Variants in PTDSS2 observed in about 807,000 individuals in gnomAD.
PTDSS2 encodes the protein PSS-2.
Under a neutral mutation model 64.7 loss-of-function variants are expected in PTDSS2, and 41 were observed. That is an observed-to-expected ratio of 0.63 (90% CI 0.49 to 0.82). The LOEUF is 0.82. Among genes scored for constraint, PTDSS2 ranks in the 40% least tolerant of loss-of-function variants. PTDSS2 has a pLI of 0.00. For synonymous variants in PTDSS2, 297 were observed against 277.8 expected (o/e 1.07, Z -0.69); for missense variants, 485 against 650.0 (o/e 0.75, Z 2.76).
Position 460,458 on chromosome 11 carries a change from C to A in PTDSS2, c.284+170C>A, listed in dbSNP as rs898537260. The A allele has an allele frequency of 3.4e-6, 2 of 591,636 alleles. No individual in the cohort carries two copies. The highest frequency in any genetic ancestry group is 3.7e-5 in the African/African-American group (2 of 53,680). 36.6% of individuals were successfully genotyped at this position (591,636 alleles called of 1,614,324 possible). A position where few individuals can be genotyped will look rare whatever the true frequency, so the allele number is the denominator to read the frequency against. On this transcript the variant is annotated intron_variant, in intron 2 of 11. Coordinates refer to ENST00000308020, the MANE Select transcript of PTDSS2 (RefSeq NM_030783.3). This position sits in a 1 kb window ranked among gnomAD's most constrained non-coding sequence, Gnocchi z 5.8. ...TCTGATGTGCAGACTCCAGGGCTGCCCTTGGTGCTGCGTGGCGTTCCCGGT... is the reference window on the plus strand; with the variant it reads ...TCTGATGTGCAGACTCCAGGGCTGCACTTGGTGCTGCGTGGCGTTCCCGGT...
intron 1 of PTDSS2, chr11:459,839 G>T: frequency 3.7e-6 from 1 of 267,828 alleles, no homozygotes; most frequent in African/African-American, 2.2e-5. Flanking sequence ...CTTGTCTTGC[G>T]CAGTGAAAAG....
At chr11:485,685 G>C (rs1476499379) in intron 4 of PTDSS2, among the ~76,000 whole-genome samples, 2 of 148,118 alleles carry the variant, frequency 1.4e-5, no homozygotes, top group East Asian at 4.1e-4. Context: ...CAGCGCACGG[G>C]CGCGTGTGTG....
chr11:457,901 C>G (rs1846672886), intron 1 of PTDSS2, among the ~76,000 whole-genome samples: 1 of 152,204 alleles, frequency 6.6e-6, no homozygotes, highest in Non-Finnish European at 1.5e-5. Context: ...GCTCCGAGAC[C>G]TCACCAGCAC....
intron 1 of PTDSS2, among the ~76,000 whole-genome samples, chr11:454,467 T>C (rs1313646811): frequency 6.6e-6 from 1 of 151,856 alleles, no homozygotes; most frequent in Non-Finnish European, 1.5e-5. Flanking sequence ...AAGGAGTGAG[T>C]GTTGGGTTGG....
intron 1 of PTDSS2, chr11:459,329 CGTG>C (rs1846756282): frequency 6.8e-6 from 1 of 146,936 alleles, no homozygotes. Flanking sequence ...CTGGGTTAGA[CGTG>C]AGGACACACT....
rs1028545855 is a variant in PTDSS2, at chr11:488,742, G to A, written c.854+95G>A. On this transcript the variant is annotated intron_variant, in intron 8 of 11. Coordinates refer to ENST00000308020, the MANE Select transcript of PTDSS2 (RefSeq NM_030783.3). ...CCAGCAGACCCCGAGCACCAGGCCC[G>A]TCCAGTGTGCGGCTCAGGAGGGGTG... The A allele has an allele frequency of 4.0e-5, 36 of 901,366 alleles. No individual in the cohort carries two copies. In the East Asian group the frequency reaches 4.9e-4, roughly 12 times the overall value. The allele number at this position is 901,366 out of a possible 1,614,324, so 55.8% of individuals were successfully genotyped here.
chr11:488,122 G>T, intron 6 of PTDSS2, 77 bp from the exon 7 acceptor site: 1 of 1,089,972 alleles, frequency 9.2e-7, no homozygotes, highest in South Asian at 1.3e-5. Context: ...GCCAGCCGGG[G>T]TGGGGGCTGC....
At chr11:484,469 C>T (rs35898083) in intron 4 of PTDSS2, among the ~76,000 whole-genome samples, 14,965 of 152,310 alleles carry the variant, frequency 0.098, 1,021 homozygotes, top group Admixed American at 0.19. Context: ...TGTGCACTCA[C>T]TGTGTGTGCA....
rs1184602624 is a variant in PTDSS2 at position 470,685 on chromosome 11, G to A, written c.285-3210G>A. Among the ~76,000 whole-genome samples, 1 of 151,778 alleles carries A rather than the reference G, an allele frequency of 6.6e-6. No individual in the cohort carries two copies. Among genetic ancestry groups the A allele is most frequent in the African/African-American group, 2.4e-5 (1 of 41,292 alleles). On this transcript the variant is annotated intron_variant, in intron 2 of 11. Transcript: ENST00000308020. This position sits in a 1 kb window ranked among gnomAD's most constrained non-coding sequence, Gnocchi z 5.3. ...GCTCACTGCAACCTCCGCCTCTCGGGTTCAAGTGATTCTCCTGCCTCAGCC... is the reference window on the plus strand; with the variant it reads ...GCTCACTGCAACCTCCGCCTCTCGGATTCAAGTGATTCTCCTGCCTCAGCC...
rs1847971107 is a variant in PTDSS2 at position 479,429 on chromosome 11, C to G, written c.435+277C>G. The G allele has an allele frequency of 3.7e-6, 2 of 537,778 alleles. No individual in the cohort carries two copies. The highest frequency in any genetic ancestry group is 6.5e-5 in the East Asian group (2 of 30,758). The allele number at this position is 537,778 out of a possible 1,614,324, so 33.3% of individuals were successfully genotyped here. ...TGGGGCGCTGACTGTGGCCATTTAGCAGGGCCACACTTAAGGAGGGCAGGG... is the reference window on the plus strand; with the variant it reads ...TGGGGCGCTGACTGTGGCCATTTAGGAGGGCCACACTTAAGGAGGGCAGGG... On this transcript the variant is annotated intron_variant, in intron 4 of 11. Coordinates refer to ENST00000308020, the MANE Select transcript of PTDSS2 (RefSeq NM_030783.3). The surrounding 1 kb of genome is among the most constrained non-coding windows in gnomAD (Gnocchi z 4.2).
In PTDSS2 at chr11:490,033, G is replaced by C; in HGVS notation, c.1266G>C (p.Leu422=). The C allele has an allele frequency of 6.2e-7, 1 of 1,610,944 alleles. No homozygotes were observed. Among genetic ancestry groups the C allele is most frequent in the Non-Finnish European group, 8.5e-7 (1 of 1,179,958 alleles). The change falls in exon 11 of 12, where the codon CTG becomes CTC. Residue 422 remains leucine (L), a synonymous_variant. Transcript: ENST00000308020. ...AGTGCTGGACCCTCGGCTCCGTCCT[G>C]GCGCTCACCTGGACCGTCTGGCGCT... ...ISQCWTLGSV[L]ALTWTVWRFF... is the part of the protein sequence containing the mutation.
intron 1 of PTDSS2, among the ~76,000 whole-genome samples, chr11:454,624 G>A (rs1035744012): frequency 7.2e-5 from 11 of 152,072 alleles, no homozygotes; most frequent in Non-Finnish European, 1.6e-4. Context: ...GGCCAATATG[G>A]TGAAACCCGG....
intron 8 of PTDSS2, 81 bp downstream of exon 8, chr11:488,728 C>T (rs987827129): frequency 7.8e-6 from 8 of 1,023,730 alleles, no homozygotes; most frequent in African/African-American, 3.1e-5. Flanking sequence ...CAGCAGACCC[C>T]GAGCACCAGG....
chr11:467,831 T>C (rs1278383434), intron 2 of PTDSS2, among the ~76,000 whole-genome samples: 4 of 152,082 alleles, frequency 2.6e-5, no homozygotes, highest in African/African-American at 7.2e-5. Context: ...TGAAAACTTA[T>C]GTCCACATAA....
In PTDSS2 at chr11:488,547, G is replaced by A. The variant is rs374582300; in HGVS notation, c.754G>A (p.Val252Ile). 1.4e-5 allele frequency: 22 copies of A among 1,613,310 alleles called. No homozygotes were observed. Among genetic ancestry groups the A allele is most frequent in the Admixed American group, 1.7e-5 (1 of 60,010 alleles). Residue 252 changes from valine (V) to isoleucine (I), a missense_variant, in exon 8 of 12, where the codon GTC (valine) becomes ATC (isoleucine). Val to Ile is a conservative substitution (Grantham distance 29). Transcript: ENST00000308020. ...WWDHWIMDVLVCNGLGIYCGM... is the reference protein window; with the variant it reads ...WWDHWIMDVLICNGLGIYCGM... ...CCTGCAGTGGATCATGGACGTGCTC[G>A]TCTGCAACGGGCTGGGCATCTACTG...
upstream of PTDSS2, among the ~76,000 whole-genome samples, chr11:448,999 T>A (rs1056319806): frequency 2.0e-5 from 3 of 152,098 alleles, no homozygotes; most frequent in African/African-American, 7.2e-5. Context: ...AGATTTGCAT[T>A]TCCTGGACAT....
intron 10 of PTDSS2, 62 bp downstream of exon 10, chr11:489,795 A>G: frequency 6.4e-7 from 1 of 1,570,170 alleles, no homozygotes; most frequent in Non-Finnish European, 8.6e-7. Context: ...AGGGCTGGGG[A>G]GCAGAGCCTG....
intron 4 of PTDSS2, among the ~76,000 whole-genome samples, chr11:486,036 G>A (rs557420576): frequency 3.3e-5 from 5 of 151,714 alleles, no homozygotes; most frequent in Non-Finnish European, 7.4e-5. Context: ...GTGCGCAGGC[G>A]AGTGTAAACA....
In PTDSS2 at chr11:462,249, A is replaced by C. The variant is rs1846923156; in HGVS notation, c.284+1961A>C. 6.6e-6 allele frequency among the ~76,000 whole-genome samples: 1 copy of C among 151,974 alleles called. No homozygotes were observed. Among genetic ancestry groups the C allele is most frequent in the African/African-American group, 2.4e-5 (1 of 41,358 alleles). ...GAGGGGCCAGGAGCTTAGACCCCTG[A>C]GGGGGCAGCAGTGGTGGGCACGTCC... On this transcript the variant is annotated intron_variant, in intron 2 of 11. Transcript: ENST00000308020. This position sits in a 1 kb window ranked among gnomAD's most constrained non-coding sequence, Gnocchi z 4.5.
Sources: allele counts gnomAD v4.1 joint callset (sites outside exome capture counted in the v4.1 genomes callset), GRCh38; gene constraint gnomAD v4.1.1; non-coding constraint Gnocchi (gnomAD v3.1); transcripts MANE v1.5; gene names NCBI Gene and HGNC (gene_info 2026-07-23, HGNC 2026-07-21).